CSF2RA: variants seen among roughly 807,000 people sequenced by gnomAD.
The protein encoded by CSF2RA is colony stimulating factor 2 receptor subunit alpha.
In CSF2RA, 42 loss-of-function variants were observed where a neutral mutation model predicts 51.6. The observed-to-expected ratio is 0.81, with a 90% CI of 0.64 to 1.05. CSF2RA has a LOEUF of 1.05. Among genes scored for constraint, CSF2RA ranks in the 50% least tolerant of loss-of-function variants. The pLI, the probability that CSF2RA is intolerant of heterozygous loss-of-function variation, is 0.00. For synonymous variants in CSF2RA, 222 were observed against 193.0 expected, an observed-to-expected ratio of 1.15 and a Z score of -1.24; for missense variants, 530 against 501.1, an observed-to-expected ratio of 1.06 and a Z score of -0.55.
At chrX:1,276,470 T>C (rs372634625) in intron 2 of CSF2RA, among the ~76,000 whole-genome samples, 310 of 151,944 alleles carry the variant, frequency 2.0e-3, no homozygotes, top group African/African-American at 7.0e-3. Context: ...GCCTTTCGAG[T>C]TCCAGTGATT....
chrX:1,309,332 T>C lies in CSF2RA; in HGVS notation c.1126-70T>C, dbSNP rs1230279627. 1.2e-5 allele frequency: 18 copies of C among 1,476,464 alleles called. No homozygotes were observed. In the South Asian group the frequency reaches 2.0e-4, roughly 17 times the overall value. 91.5% of individuals were successfully genotyped at this position (1,476,464 alleles called of 1,614,324 possible). A position where few individuals can be genotyped will look rare whatever the true frequency, so the allele number is the denominator to read the frequency against. On this transcript the variant is annotated intron_variant, in intron 12 of 12. Coordinates refer to ENST00000381529, the MANE Select transcript of CSF2RA (RefSeq NM_172245.4). The stretch of plus-strand genomic sequence containing the variant: ...TCCGTCTCGAGGGAGAAAAAGAAAA[T>C]AAACACAGCCCACTGAGTCCCAGGC...
In CSF2RA at chrX:1,287,366, C is replaced by G. The variant is rs1321523682; in HGVS notation, c.220-1153C>G. Among the ~76,000 whole-genome samples, 2 of 149,894 alleles carry G rather than the reference C, an allele frequency of 1.3e-5. 1 individual carries two copies. Among genetic ancestry groups the G allele is most frequent in the South Asian group, 4.2e-4 (2 of 4,762 alleles). On this transcript the variant is annotated intron_variant, in intron 4 of 12. Transcript: ENST00000381529. ...ACGGGGTTTCACCATGTTGGCCAGG[C>G]TGGTCTCCAACTCCTGACCTCGTGA...
chrX:1,274,554 G>C (rs1303487269), intron 1 of CSF2RA, among the ~76,000 whole-genome samples: 2 of 148,962 alleles, frequency 1.3e-5, no homozygotes, highest in African/African-American at 2.5e-5. Context: ...CGAACTCCTG[G>C]CCTCAAATGA....
chrX:1,320,651 T>C, the CSF2RA span, among the ~76,000 whole-genome samples: 1 of 146,826 alleles, frequency 6.8e-6, no homozygotes, highest in African/African-American at 2.5e-5. Flanking sequence ...GCGCCCACCA[T>C]CATGCCCAGC....
At chrX:1,284,660 A>ATT (rs61159606) in intron 3 of CSF2RA, among the ~76,000 whole-genome samples, 1,323 of 24,482 alleles carry the variant, frequency 0.054, 112 homozygotes, top group Middle Eastern at 0.077. Flanking sequence ...CTAGTTTTTG[A>ATT]TTTTTTTTTT....
chrX:1,284,600 AT>A lies in CSF2RA; in HGVS notation c.77-1165del, dbSNP rs756926364. Among the ~76,000 whole-genome samples, 496 of 103,080 alleles carry A rather than the reference AT, an allele frequency of 4.8e-3. 3 individuals carry two copies. The highest frequency in any genetic ancestry group is 0.016 in the African/African-American group (412 of 26,070). 67.6% of individuals were successfully genotyped at this position (103,080 alleles called of 152,430 possible). ...ACACCACCATGCCAAGCTAATTTAA[AT>A]TTTTTTTTTTTTAAATTTTATAGAC... On this transcript the variant is annotated intron_variant, in intron 3 of 12. Coordinates refer to ENST00000381529, the MANE Select transcript of CSF2RA (RefSeq NM_172245.4).
At chrX:1,282,164 C>T (rs1217748773) in intron 2 of CSF2RA, 12 of 167,324 alleles carry the variant, frequency 7.2e-5, no homozygotes, top group Admixed American at 6.7e-4. Flanking sequence ...GAGATCGCGC[C>T]ACTGCACTCC....
chrX:1,304,589 A>G (rs1439599119), intron 11 of CSF2RA, among the ~76,000 whole-genome samples: 2 of 151,102 alleles, frequency 1.3e-5, no homozygotes, highest in African/African-American at 4.9e-5. Flanking sequence ...CAGAGGGGAA[A>G]CGCCTGCCTT....
At position 1,309,769 on chromosome X, in the gene CSF2RA, T is replaced by C. The variant is rs2084060894; in HGVS notation, c.*290T>C. 1 of 654,824 alleles carries C rather than the reference T, an allele frequency of 1.5e-6. No homozygotes were observed. The highest frequency in any genetic ancestry group is 2.7e-5 in the East Asian group (1 of 36,800). The allele number at this position is 654,824 out of a possible 1,614,324, so 40.6% of individuals were successfully genotyped here. ...CAGGCACGGCGGCGGACGCCCATCA[T>C]CCCAGCTACTTGGGAGGCTGAGGCA... is the stretch of plus-strand genomic sequence containing the variant. On this transcript the variant is annotated 3_prime_UTR_variant, in exon 13 of 13. Coordinates refer to ENST00000381529, the MANE Select transcript of CSF2RA (RefSeq NM_172245.4).
intron 7 of CSF2RA, among the ~76,000 whole-genome samples, chrX:1,290,944 T>C (rs760210256): frequency 6.6e-6 from 1 of 152,082 alleles, no homozygotes; most frequent in Non-Finnish European, 1.5e-5. Context: ...TTTTTTGAGA[T>C]AGAGTCTCGC....
chrX:1,270,997 C>T (rs1313814997), intron 1 of CSF2RA, among the ~76,000 whole-genome samples: 1 of 151,168 alleles, frequency 6.6e-6, no homozygotes, highest in African/African-American at 2.4e-5. Context: ...CCCGGGGCAA[C>T]ATCGTAAGAT....
At chrX:1,270,801 A>T (rs2088282512) in intron 1 of CSF2RA, among the ~76,000 whole-genome samples, 1 of 150,816 alleles carries the variant, frequency 6.6e-6, no homozygotes, top group Admixed American at 6.7e-5. Context: ...GGACTTTGGG[A>T]GGCTGAGGTG....
intron 10 of CSF2RA, chrX:1,303,188 G>T: frequency 3.8e-6 from 1 of 266,438 alleles, no homozygotes; most frequent in Non-Finnish European, 7.1e-6. Context: ...CTCCTGAGTA[G>T]CTGGGATTAC....
chrX:1,318,113 C>T, the CSF2RA span, among the ~76,000 whole-genome samples: 4 of 151,814 alleles, frequency 2.6e-5, no homozygotes, highest in Admixed American at 2.6e-4. Context: ...CTCAGCCTCC[C>T]GAGTAGCTGG....
the CSF2RA span, among the ~76,000 whole-genome samples, chrX:1,320,397 G>A: frequency 2.0e-5 from 3 of 151,992 alleles, no homozygotes; most frequent in South Asian, 6.2e-4. Flanking sequence ...ATTTTTCAGA[G>A]GTTTTTGCTT....
At chrX:1,314,108 G>T (rs1457494145), downstream of CSF2RA, among the ~76,000 whole-genome samples, 1 of 152,112 alleles carries the variant, frequency 6.6e-6, no homozygotes, top group Non-Finnish European at 1.5e-5. Context: ...GTGGCGATCA[G>T]CCCCTCCCCT....
At chrX:1,318,126 C>T in the CSF2RA span, among the ~76,000 whole-genome samples, 247 of 148,822 alleles carry the variant, frequency 1.7e-3, no homozygotes, top group African/African-American at 6.0e-3. Flanking sequence ...GTAGCTGGGA[C>T]TACAGGCACC....
At chrX:1,323,954 T>C in the CSF2RA span, among the ~76,000 whole-genome samples, 15 of 150,996 alleles carry the variant, frequency 9.9e-5, no homozygotes, top group Admixed American at 4.0e-4. Flanking sequence ...GCCGAGGTTG[T>C]GGTGAGCCAA....
intron 9 of CSF2RA, 114 bp from the exon 10 acceptor site, chrX:1,300,368 AAAAAAGAAG>A: frequency 3.9e-6 from 5 of 1,283,276 alleles, no homozygotes; most frequent in Non-Finnish European, 5.5e-6. Context: ...AGTGGTAGAA[AAAAAAGAAG>A]AAAAAGAAAA....
Sources: allele counts gnomAD v4.1 joint callset (sites outside exome capture counted in the v4.1 genomes callset), GRCh38; gene constraint gnomAD v4.1.1; transcripts MANE v1.5; gene names NCBI Gene and HGNC (gene_info 2026-07-23, HGNC 2026-07-21).